ITGA11: variants seen among roughly 807,000 people sequenced by gnomAD.
ITGA11 encodes the protein integrin subunit alpha 11.
ITGA11 carries 97 observed loss-of-function variants against 141.9 expected under a neutral mutation model. That is an observed-to-expected ratio of 0.68 (90% confidence interval 0.58 to 0.81). ITGA11 has a LOEUF of 0.81. Ranked by LOEUF, ITGA11 falls within the 30% of genes least tolerant of loss-of-function variation. The pLI is 0.00. For missense variants in ITGA11, 1,387 were observed against 1,559.2 expected (o/e 0.89, Z 1.86); for synonymous variants, 658 against 624.6 (o/e 1.05, Z -0.80).
chr15:68,420,656 T>A (rs898592), intron 1 of ITGA11, among the ~76,000 whole-genome samples: 1 of 150,308 alleles, frequency 6.7e-6, no homozygotes, highest in Non-Finnish European at 1.5e-5. Context: ...TTCTAGCAAC[T>A]GTGGCAGGCG....
chr15:68,355,048 G>T (rs538870711), intron 7 of ITGA11, among the ~76,000 whole-genome samples: 1 of 152,154 alleles, frequency 6.6e-6, no homozygotes, highest in Admixed American at 6.5e-5. Flanking sequence ...AGTCACACAC[G>T]GATAACTGAG....
chr15:68,371,545 C>G (rs1895589922), intron 2 of ITGA11, among the ~76,000 whole-genome samples: 1 of 152,028 alleles, frequency 6.6e-6, no homozygotes, highest in South Asian at 2.1e-4. Context: ...AAACCCCCGT[C>G]TGTACTAAAA....
rs1346909113 is a variant in ITGA11 at position 68,326,907 on chromosome 15, C to A, written c.2069-111G>T. ...CTGGCCAGGGGAGAGCTGTTCCTTTCCTCTCACGAGCCCCAGTGTGGGTGA... is the reference window on the plus strand; with the variant it reads ...CTGGCCAGGGGAGAGCTGTTCCTTTACTCTCACGAGCCCCAGTGTGGGTGA... On this transcript the variant is annotated intron_variant, in intron 16 of 29. Coordinates refer to ENST00000315757, the MANE Select transcript of ITGA11 (RefSeq NM_001004439.2). The surrounding 1 kb of genome is among the most constrained non-coding windows in gnomAD (Gnocchi z 6.8). The A allele has an allele frequency of 1.7e-6, 2 of 1,190,078 alleles. No individual in the cohort carries two copies. The highest frequency in any genetic ancestry group is 1.5e-5 in the African/African-American group (1 of 64,738). 73.7% of individuals were successfully genotyped at this position (1,190,078 alleles called of 1,614,324 possible).
chr15:68,405,324 A>G (rs1443837327), intron 1 of ITGA11, among the ~76,000 whole-genome samples: 1 of 147,508 alleles, frequency 6.8e-6, no homozygotes, highest in African/African-American at 2.5e-5. Flanking sequence ...GCACTTCTGG[A>G]GCACTGAGTT....
intron 15 of ITGA11, among the ~76,000 whole-genome samples, chr15:68,329,789 C>T (rs536058048): frequency 6.6e-6 from 1 of 152,316 alleles, no homozygotes; most frequent in Non-Finnish European, 1.5e-5. Context: ...TAAGAGCCCC[C>T]ACATGCAGCA....
Position 68,305,947 on chromosome 15 carries a change from GA to G in ITGA11, c.3381+1400del, listed in dbSNP as rs1893177848. Among the ~76,000 whole-genome samples, 1 of 151,776 alleles carries G rather than the reference GA, an allele frequency of 6.6e-6. No individual in the cohort carries two copies. Among genetic ancestry groups the G allele is most frequent in the East Asian group, 1.9e-4 (1 of 5,164 alleles). On this transcript the variant is annotated intron_variant, in intron 28 of 29. Transcript: ENST00000315757. The surrounding 1 kb of genome is among the most constrained non-coding windows in gnomAD (Gnocchi z 4.6). ...CATGCCTGTAATCCCAGCACTTTGG[GA>G]AGCCGAGGCGGGCAGATCATGAGGT...
At chr15:68,370,856 G>C (rs1895566986) in intron 2 of ITGA11, among the ~76,000 whole-genome samples, 1 of 152,214 alleles carries the variant, frequency 6.6e-6, no homozygotes, top group South Asian at 2.1e-4. Flanking sequence ...TAGATGGTTG[G>C]GAGGAGGTGG....
rs184060627 is a variant in ITGA11, at chr15:68,340,264, G to A, written c.1132-620C>T. On this transcript the variant is annotated intron_variant, in intron 10 of 29. Transcript: ENST00000315757. ...CATGCAGTTGCAAACTGTGATCAAC[G>A]CAATCAGGGAAAACCACAGTGAGGC... 2.2e-3 allele frequency among the ~76,000 whole-genome samples: 334 copies of A among 151,752 alleles called. 1 individual carries two copies. Among genetic ancestry groups the A allele is most frequent in the Non-Finnish European group, 3.8e-3 (260 of 67,952 alleles).
At chr15:68,401,210 G>T (rs1896501214) in intron 2 of ITGA11, among the ~76,000 whole-genome samples, 1 of 151,778 alleles carries the variant, frequency 6.6e-6, no homozygotes, top group African/African-American at 2.4e-5. Flanking sequence ...ATAATGTCAT[G>T]AATTAGTGAA....
chr15:68,390,118 A>T (rs1046444052), intron 2 of ITGA11, among the ~76,000 whole-genome samples: 1 of 152,178 alleles, frequency 6.6e-6, no homozygotes, highest in African/African-American at 2.4e-5. Flanking sequence ...GAGTGTTGTT[A>T]TTGTTGCTAG....
chr15:68,343,956 A>G (rs1290319607), intron 10 of ITGA11, among the ~76,000 whole-genome samples: 1 of 152,148 alleles, frequency 6.6e-6, no homozygotes, highest in Non-Finnish European at 1.5e-5. Context: ...GGAATCCGGC[A>G]GCTGGGGTGA....
chr15:68,320,407 C>T lies in ITGA11; in HGVS notation c.2409-15G>A. On this transcript the variant is annotated splice_polypyrimidine_tract_variant and intron_variant, in intron 19 of 29. Coordinates refer to ENST00000315757, the MANE Select transcript of ITGA11 (RefSeq NM_001004439.2). ...GGCAGTACTCCCTGAGAACAAGAGA[C>T]CACCAGAGACTGGGCAGATGGAATG... 3.8e-6 allele frequency: 6 copies of T among 1,564,228 alleles called. No individual in the cohort carries two copies. Among genetic ancestry groups the T allele is most frequent in the Non-Finnish European group, 5.2e-6 (6 of 1,152,880 alleles).
rs759344102 is a variant in ITGA11 at position 68,369,232 on chromosome 15, C to A, written c.217G>T (p.Val73Leu). Residue 73 changes from valine to leucine, a missense_variant, in exon 3 of 30, where the codon GTG becomes TTG. Coordinates refer to ENST00000315757, the MANE Select transcript of ITGA11 (RefSeq NM_001004439.2). ...ETNGYQKTGD[V>L]YKCPVIHGNC... Reference sequence around the variant, plus strand: ...CCGTGGATCACTGGACACTTGTACACGTCTCCCGTCTTCTGGTAGCCATTG... The same window carrying A: ...CCGTGGATCACTGGACACTTGTACAAGTCTCCCGTCTTCTGGTAGCCATTG... 6.2e-7 allele frequency: 1 copy of A among 1,613,976 alleles called. No homozygotes were observed. The highest frequency in any genetic ancestry group is 1.1e-5 in the South Asian group (1 of 91,080).
At chr15:68,331,219 C>A in intron 14 of ITGA11, 108 bp from the exon 15 acceptor site, 1 of 1,020,286 alleles carries the variant, frequency 9.8e-7, no homozygotes, top group Non-Finnish European at 1.4e-6. Context: ...TGTGTGAAAC[C>A]ACCAAGAAGC....
At chr15:68,362,234 T>C (rs1198981923) in intron 4 of ITGA11, among the ~76,000 whole-genome samples, 9 of 152,206 alleles carry the variant, frequency 5.9e-5, no homozygotes, top group Admixed American at 4.6e-4. Flanking sequence ...AAAACACTGA[T>C]GTCAGTCCCC....
At chr15:68,334,010 G>A (rs1039169890) in intron 12 of ITGA11, among the ~76,000 whole-genome samples, 1 of 152,174 alleles carries the variant, frequency 6.6e-6, no homozygotes, top group Non-Finnish European at 1.5e-5. Context: ...CTCAGCTGAT[G>A]TGTCACTTCC....
intron 2 of ITGA11, among the ~76,000 whole-genome samples, chr15:68,388,949 C>G (rs1896051961): frequency 6.6e-6 from 1 of 152,222 alleles, no homozygotes; most frequent in African/African-American, 2.4e-5. Flanking sequence ...CCTTACTTCT[C>G]TGCTTTTTGT....
chr15:68,331,151 G>A lies in ITGA11; in HGVS notation c.1771-40C>T, dbSNP rs1285337985. On this transcript the variant is annotated intron_variant, in intron 14 of 29. Coordinates refer to ENST00000315757, the MANE Select transcript of ITGA11 (RefSeq NM_001004439.2). ...AAGAGAGGGGGAGGGCATGCACACT[G>A]TGAGTGTGGGGGCGGGCGTCCCCGA... 8 of 1,541,350 alleles carry A rather than the reference G, an allele frequency of 5.2e-6. No individual in the cohort carries two copies. The South Asian group carries it at 7.1e-5, about 14-fold the overall frequency.
chr15:68,305,406 T>C lies in ITGA11; in HGVS notation c.3382-1521A>G, dbSNP rs1030658049. ...TTGATAACGTTTATATTTATGTTTA[T>C]TGCCTGCCTGGAATGTCAGCTGTAG... On this transcript the variant is annotated intron_variant, in intron 28 of 29. Coordinates refer to ENST00000315757, the MANE Select transcript of ITGA11 (RefSeq NM_001004439.2). The surrounding 1 kb of genome is among the most constrained non-coding windows in gnomAD (Gnocchi z 4.6). Among the ~76,000 whole-genome samples, 6 of 152,236 alleles carry C rather than the reference T, an allele frequency of 3.9e-5. No individual in the cohort carries two copies. The highest frequency in any genetic ancestry group is 1.4e-4 in the African/African-American group (6 of 41,464).
Sources: gnomAD v4.1 joint callset for allele counts (sites outside exome capture counted in the v4.1 genomes callset) on GRCh38, gnomAD v4.1.1 for gene constraint, Gnocchi (gnomAD v3.1) non-coding constraint, MANE v1.5 for transcripts, NCBI Gene and HGNC (gene_info 2026-07-23, HGNC 2026-07-21) for gene names.